Variants in KCNH1 observed in about 807,000 individuals in gnomAD.
KCNH1 encodes the protein potassium voltage-gated channel subfamily H member 1.
A neutral mutation model predicts 69.2 loss-of-function variants in KCNH1; 27 were observed. That is an observed-to-expected ratio of 0.39 (90% CI 0.29 to 0.54). The LOEUF (loss-of-function observed/expected upper bound fraction) is 0.54. KCNH1 is among the 20% of genes least tolerant of loss of function. The pLI is 0.68. For missense variants in KCNH1, 798 were observed against 1,261.6 expected (o/e 0.63, Z 5.57); for synonymous variants, 456 against 487.7 (o/e 0.93, Z 0.86).
intron 7 of KCNH1, among the ~76,000 whole-genome samples, chr1:210,903,970 A>G (rs1423051937): frequency 6.6e-6 from 1 of 152,192 alleles, no homozygotes; most frequent in Non-Finnish European, 1.5e-5. Flanking sequence ...AAGGACACCT[A>G]ATCTTGGAGA....
At chr1:210,690,188 C>A (rs1379724369) in intron 10 of KCNH1, among the ~76,000 whole-genome samples, 1 of 152,186 alleles carries the variant, frequency 6.6e-6, no homozygotes, top group East Asian at 1.9e-4. Context: ...TTAACTCTTT[C>A]TTTCTTAGAT....
intron 10 of KCNH1, among the ~76,000 whole-genome samples, chr1:210,762,887 T>C (rs903142555): frequency 6.6e-6 from 1 of 151,950 alleles, no homozygotes; most frequent in Non-Finnish European, 1.5e-5. Flanking sequence ...ATCAGCATCA[T>C]CATGATACCA....
In KCNH1 at chr1:210,860,910, C is replaced by T. The variant is rs565290256; in HGVS notation, c.1463-56744G>A. On this transcript the variant is annotated intron_variant, in intron 7 of 10. Coordinates refer to ENST00000271751, the MANE Select transcript of KCNH1 (RefSeq NM_172362.3). ...TGAAGAGAGAGAACACATGATTCTG[C>T]AACATGTATTCCATCTGATCATTAC... 4 of 944,402 alleles carry T rather than the reference C, an allele frequency of 4.2e-6. No individual in the cohort carries two copies. The Admixed American group carries it at 6.8e-5, about 16-fold the overall frequency. 58.5% of individuals were successfully genotyped at this position (944,402 alleles called of 1,614,324 possible). A position where few individuals can be genotyped will look rare whatever the true frequency, so the allele number is the denominator to read the frequency against.
chr1:210,811,548 T>TA (rs1684704087), intron 7 of KCNH1, among the ~76,000 whole-genome samples: 1 of 152,160 alleles, frequency 6.6e-6, no homozygotes, highest in African/African-American at 2.4e-5. Context: ...TTTATGTTCA[T>TA]AAAAAAGACT....
chr1:210,835,547 A>G (rs1429575299), intron 7 of KCNH1, among the ~76,000 whole-genome samples: 1 of 152,190 alleles, frequency 6.6e-6, no homozygotes, highest in Non-Finnish European at 1.5e-5. Flanking sequence ...ATGTTATCCC[A>G]GAATGTGGGA....
chr1:210,966,399 T>G (rs1468760046), intron 6 of KCNH1, among the ~76,000 whole-genome samples: 1 of 152,130 alleles, frequency 6.6e-6, no homozygotes, highest in Non-Finnish European at 1.5e-5. Context: ...TTAATTAGAC[T>G]AAAGAGCTTC....
intron 10 of KCNH1, among the ~76,000 whole-genome samples, chr1:210,747,274 T>G (rs1683180967): frequency 6.6e-6 from 1 of 152,088 alleles, no homozygotes; most frequent in African/African-American, 2.4e-5. Flanking sequence ...CAGGGAGGTA[T>G]GACCACAGCA....
chr1:210,822,117 A>ATGTG (rs1196816237), intron 7 of KCNH1, among the ~76,000 whole-genome samples: 1 of 151,988 alleles, frequency 6.6e-6, no homozygotes, highest in Non-Finnish European at 1.5e-5. Flanking sequence ...AGACAAAGAG[A>ATGTG]TGTGGTATGG....
intron 7 of KCNH1, among the ~76,000 whole-genome samples, chr1:210,808,774 C>T (rs943311847): frequency 2.6e-5 from 4 of 152,038 alleles, no homozygotes; most frequent in African/African-American, 9.7e-5. Context: ...ATATATAAAG[C>T]ATTACACCTT....
chr1:210,947,532 G>A (rs954681582), intron 6 of KCNH1, among the ~76,000 whole-genome samples: 11 of 150,064 alleles, frequency 7.3e-5, no homozygotes, highest in East Asian at 2.0e-4. Flanking sequence ...CAGAGATCAC[G>A]CCACTGCACT....
intron 7 of KCNH1, among the ~76,000 whole-genome samples, chr1:210,854,080 A>C (rs142426522): frequency 6.6e-5 from 10 of 152,162 alleles, no homozygotes; most frequent in African/African-American, 2.2e-4. Context: ...TTCTTCCCCT[A>C]ATATTTATAA....
At chr1:210,841,871 C>A (rs995988073) in intron 7 of KCNH1, among the ~76,000 whole-genome samples, 5 of 152,106 alleles carry the variant, frequency 3.3e-5, no homozygotes, top group African/African-American at 1.2e-4. Flanking sequence ...TTGGTGTTGT[C>A]TTTCAATCCC....
At chr1:210,700,447 A>G (rs1392503726) in intron 10 of KCNH1, among the ~76,000 whole-genome samples, 1 of 151,782 alleles carries the variant, frequency 6.6e-6, no homozygotes, top group African/African-American at 2.4e-5. Flanking sequence ...GTACCTTCTG[A>G]CTCCTTTAAA....
chr1:210,917,219 GAGAGAGAGAGAGAA>G (rs752362367), intron 7 of KCNH1, among the ~76,000 whole-genome samples: 2,545 of 126,716 alleles, frequency 0.02, 32 homozygotes, highest in Admixed American at 0.033. Context: ...GAGAGAGAGA[GAGAGAGAGAGAGAA>G]AGAAAGAAAG....
chr1:210,984,713 A>G (rs574041340), intron 6 of KCNH1, among the ~76,000 whole-genome samples: 1 of 151,652 alleles, frequency 6.6e-6, no homozygotes, highest in African/African-American at 2.4e-5. Flanking sequence ...TTTTTGCATC[A>G]ATGTTCCTCA....
At chr1:210,971,309 C>T (rs527769177) in intron 6 of KCNH1, among the ~76,000 whole-genome samples, 10 of 152,168 alleles carry the variant, frequency 6.6e-5, no homozygotes, top group African/African-American at 2.4e-4. Flanking sequence ...ATTTTCTAAT[C>T]CCTATTATTC....
At chr1:210,949,656 G>A (rs1482510799) in intron 6 of KCNH1, among the ~76,000 whole-genome samples, 2 of 152,178 alleles carry the variant, frequency 1.3e-5, no homozygotes. Flanking sequence ...CAATGAATCG[G>A]TTGCACCAGC....
chr1:210,934,377 G>A (rs1687735359), intron 6 of KCNH1, among the ~76,000 whole-genome samples: 1 of 152,208 alleles, frequency 6.6e-6, no homozygotes, highest in Non-Finnish European at 1.5e-5. Flanking sequence ...CAGATGGGCT[G>A]GGCGCGGTGG....
intron 3 of KCNH1, among the ~76,000 whole-genome samples, chr1:211,095,690 A>T (rs1278543861): frequency 6.6e-6 from 1 of 152,198 alleles, no homozygotes; most frequent in Non-Finnish European, 1.5e-5. Context: ...AGCCACTGTG[A>T]TTGGCTTTTG....
Sources: gnomAD v4.1 joint callset for allele counts (sites outside exome capture counted in the v4.1 genomes callset) on GRCh38, gnomAD v4.1.1 for gene constraint, MANE v1.5 for transcripts, NCBI Gene and HGNC (gene_info 2026-07-23, HGNC 2026-07-21) for gene names.